Variants in CNTNAP2 observed in about 807,000 individuals in gnomAD.
CNTNAP2 encodes contactin associated protein 2, also known as contactin-associated protein-like 2.
In CNTNAP2, 98 loss-of-function variants were observed where a neutral mutation model predicts 155.2. The ratio of observed to expected loss-of-function variants is 0.63; its 90% CI spans 0.54 to 0.75. CNTNAP2 has a LOEUF of 0.75. CNTNAP2 is among the 30% of genes least tolerant of loss of function. The pLI is 0.00. For synonymous variants in CNTNAP2, 651 were observed against 631.2 expected, an observed-to-expected ratio of 1.03 and a Z score of -0.47; for missense variants, 1,727 against 1,688.1, an observed-to-expected ratio of 1.02 and a Z score of -0.40.
In CNTNAP2 at chr7:147,083,010, A is replaced by G. The variant is rs183467335; in HGVS notation, c.551-25137A>G. Reference sequence around the variant, plus strand: ...CTTCTCAGGAATCGGCGGCCTTCCCAAAGGTGTTCTCAGCACGCCTCTCAT... The same window carrying G: ...CTTCTCAGGAATCGGCGGCCTTCCCGAAGGTGTTCTCAGCACGCCTCTCAT... On this transcript the variant is annotated intron_variant, in intron 4 of 23. Coordinates refer to ENST00000361727, the MANE Select transcript of CNTNAP2 (RefSeq NM_014141.6). 1,273 of 152,236 alleles carry G rather than the reference A, an allele frequency of 8.4e-3. 6 individuals are homozygous for G. The highest frequency in any genetic ancestry group is 0.014 in the Non-Finnish European group (967 of 68,052). 9.4% of individuals were successfully genotyped at this position (152,236 alleles called of 1,614,324 possible).
At chr7:148,352,368 C>T (rs1175215131) in intron 21 of CNTNAP2, among the ~76,000 whole-genome samples, 1 of 152,202 alleles carries the variant, frequency 6.6e-6, no homozygotes, top group Non-Finnish European at 1.5e-5. Context: ...AGAGTATTAA[C>T]TGTTTAAAGA....
chr7:147,328,915 TAGTTA>T (rs1426968153), intron 9 of CNTNAP2, among the ~76,000 whole-genome samples: 4 of 152,188 alleles, frequency 2.6e-5, no homozygotes, highest in Non-Finnish European at 4.4e-5. Flanking sequence ...CTTAAAACTC[TAGTTA>T]AGTTAACTAG....
intron 13 of CNTNAP2, among the ~76,000 whole-genome samples, chr7:147,762,469 G>C (rs1797317468): frequency 6.6e-6 from 1 of 151,960 alleles, no homozygotes; most frequent in Non-Finnish European, 1.5e-5. Context: ...AGCTGCTGCG[G>C]AGGCAATTAG....
At chr7:146,446,290 A>G (rs908556739) in intron 1 of CNTNAP2, among the ~76,000 whole-genome samples, 1 of 152,178 alleles carries the variant, frequency 6.6e-6, no homozygotes, top group African/African-American at 2.4e-5. Context: ...CTACATTGTT[A>G]TTAAGGACTA....
intron 4 of CNTNAP2, among the ~76,000 whole-genome samples, chr7:147,103,528 C>T (rs534643339): frequency 2.0e-4 from 30 of 151,768 alleles, no homozygotes; most frequent in Non-Finnish European, 3.5e-4. Flanking sequence ...ATATAGTATT[C>T]GATTCTGTAC....
chr7:147,276,063 T>C (rs1336018163), intron 8 of CNTNAP2, among the ~76,000 whole-genome samples: 2 of 152,072 alleles, frequency 1.3e-5, no homozygotes, highest in African/African-American at 4.8e-5. Context: ...GGCTTGCTAG[T>C]CTTTTGTTGA....
At position 146,706,837 on chromosome 7, in the gene CNTNAP2, A is replaced by G. The variant is rs537825364; in HGVS notation, c.98-67434A>G. Among the ~76,000 whole-genome samples the G allele has an allele frequency of 8.6e-5, 13 of 152,018 alleles. 1 individual carries two copies. The highest frequency in any genetic ancestry group is 1.9e-4 in the Non-Finnish European group (13 of 67,950). The stretch of plus-strand genomic sequence containing the variant: ...TAGGTACTAGGTTTAATACCTGGGC[A>G]ATGAAATCTGTACAACAATCCCCAT... On this transcript the variant is annotated intron_variant, in intron 1 of 23. Transcript: ENST00000361727.
At chr7:147,437,654 T>G (rs2116541164) in intron 10 of CNTNAP2, among the ~76,000 whole-genome samples, 1 of 152,280 alleles carries the variant, frequency 6.6e-6, no homozygotes, top group Non-Finnish European at 1.5e-5. Context: ...GTTATCTTGC[T>G]CAGGATAGCT....
intron 14 of CNTNAP2, among the ~76,000 whole-genome samples, chr7:147,970,725 T>G (rs999699704): frequency 1.1e-4 from 16 of 152,192 alleles, no homozygotes; most frequent in Admixed American, 1.0e-3. Flanking sequence ...CAATGATGAA[T>G]GTTGACAGTC....
chr7:147,166,751 TG>T, intron 8 of CNTNAP2, among the ~76,000 whole-genome samples: 1 of 150,940 alleles, frequency 6.6e-6, no homozygotes, highest in East Asian at 2.0e-4. Context: ...GTGGGCAGAG[TG>T]GGGGTCACAA....
Position 146,729,082 on chromosome 7 carries a change from G to C in CNTNAP2, c.98-45189G>C, listed in dbSNP as rs891666967. Among the ~76,000 whole-genome samples, 6 of 152,224 alleles carry C rather than the reference G, an allele frequency of 3.9e-5. No homozygotes were observed. The South Asian group carries it at 6.2e-4, about 16-fold the overall frequency. On this transcript the variant is annotated intron_variant, in intron 1 of 23. Coordinates refer to ENST00000361727, the MANE Select transcript of CNTNAP2 (RefSeq NM_014141.6). The stretch of plus-strand genomic sequence containing the variant: ...ATTAAACCCTCTGGGGCTGATCCAC[G>C]CGGAGCTCAGTTGAAGTATTACACT...
At chr7:147,924,913 C>T (rs899698761) in intron 14 of CNTNAP2, among the ~76,000 whole-genome samples, 4 of 151,864 alleles carry the variant, frequency 2.6e-5, no homozygotes, top group Non-Finnish European at 5.9e-5. Context: ...GTCAGGAGAT[C>T]AAGACCATCC....
chr7:147,267,149 G>C lies in CNTNAP2; in HGVS notation c.1349-32992G>C, dbSNP rs556208437. 1.7e-4 allele frequency among the ~76,000 whole-genome samples: 26 copies of C among 152,158 alleles called. 1 individual carries two copies. Among genetic ancestry groups the C allele is most frequent in the Admixed American group, 6.5e-5 (1 of 15,270 alleles). ...AAGGGTGAACACAAAAAGTCATTTA[G>C]AATAAATGTATGTCATATGATAGTC... On this transcript the variant is annotated intron_variant, in intron 8 of 23. Transcript: ENST00000361727.
At chr7:147,108,969 T>C (rs1411571392) in intron 5 of CNTNAP2, among the ~76,000 whole-genome samples, 1 of 150,044 alleles carries the variant, frequency 6.7e-6, no homozygotes, top group Non-Finnish European at 1.5e-5. Context: ...CTGTGAGTTA[T>C]TAAGACAAAA....
At chr7:146,492,218 G>C (rs563998136) in intron 1 of CNTNAP2, among the ~76,000 whole-genome samples, 2 of 146,640 alleles carry the variant, frequency 1.4e-5, no homozygotes, top group East Asian at 2.2e-4. Context: ...GAGAGAAGAG[G>C]GGGGCAGGAG....
At chr7:146,170,902 G>C (rs943648851) in intron 1 of CNTNAP2, among the ~76,000 whole-genome samples, 1 of 151,968 alleles carries the variant, frequency 6.6e-6, no homozygotes, top group African/African-American at 2.4e-5. Context: ...TGTTGGCTGC[G>C]TGTAATCCCA....
chr7:146,720,062 T>C (rs1158540134), intron 1 of CNTNAP2, among the ~76,000 whole-genome samples: 1 of 152,188 alleles, frequency 6.6e-6, no homozygotes, highest in Non-Finnish European at 1.5e-5. Context: ...TTTTCACCAC[T>C]AATTTGCTTA....
At chr7:146,438,175 A>T (rs969581550) in intron 1 of CNTNAP2, among the ~76,000 whole-genome samples, 1 of 151,436 alleles carries the variant, frequency 6.6e-6, no homozygotes, top group African/African-American at 2.5e-5. Flanking sequence ...TGCCTAGTAT[A>T]CATATGTGCA....
At chr7:146,904,194 T>C (rs899041462) in intron 3 of CNTNAP2, among the ~76,000 whole-genome samples, 5 of 152,222 alleles carry the variant, frequency 3.3e-5, no homozygotes, top group East Asian at 3.9e-4. Flanking sequence ...CCATTCACAC[T>C]GGCCTCCTGG....
Sources: allele counts gnomAD v4.1 joint callset (sites outside exome capture counted in the v4.1 genomes callset), GRCh38; gene constraint gnomAD v4.1.1; transcripts MANE v1.5; gene names NCBI Gene and HGNC (gene_info 2026-07-23, HGNC 2026-07-21).